The following ZNF804A variants were observed in gnomAD, a reference collection of about 807,000 sequenced individuals.
The protein encoded by ZNF804A is zinc finger protein 804A.
In ZNF804A, 2 loss-of-function variants were observed where a neutral mutation model predicts 16.5. The observed-to-expected ratio is 0.12, with a 90% CI of 0.05 to 0.38. The LOEUF (loss-of-function observed/expected upper bound fraction) is 0.38, where lower values mean the gene tolerates loss of function less well. Among genes scored for constraint, ZNF804A ranks in the 10% least tolerant of loss-of-function variants. ZNF804A has a pLI of 0.99. For missense variants in ZNF804A, 1,473 were observed against 1,390.7 expected (o/e 1.06, Z -0.94); for synonymous variants, 534 against 489.6 (o/e 1.09, Z -1.20).
chr2:184,652,695 A>G (rs938034680), intron 1 of ZNF804A, among the ~76,000 whole-genome samples: 1 of 151,892 alleles, frequency 6.6e-6, no homozygotes, highest in Non-Finnish European at 1.5e-5. Flanking sequence ...CTACCTTTTG[A>G]TCTCTTTCTA....
intron 1 of ZNF804A, among the ~76,000 whole-genome samples, chr2:184,684,512 G>C (rs188856872): frequency 6.6e-6 from 1 of 152,114 alleles, no homozygotes; most frequent in Admixed American, 6.5e-5. Flanking sequence ...AGTATTTTTC[G>C]AGAGAATATT....
chr2:184,647,613 A>G (rs1400699760), intron 1 of ZNF804A, among the ~76,000 whole-genome samples: 1 of 152,204 alleles, frequency 6.6e-6, no homozygotes, highest in Non-Finnish European at 1.5e-5. Flanking sequence ...AAGATTTATC[A>G]ACAGATTGGA....
At chr2:184,625,005 C>A (rs959570131) in intron 1 of ZNF804A, among the ~76,000 whole-genome samples, 4 of 152,088 alleles carry the variant, frequency 2.6e-5, no homozygotes, top group Non-Finnish European at 5.9e-5. Context: ...TGCTTCTGAT[C>A]ATTAAAATAA....
At chr2:184,612,519 A>G (rs1465757080) in intron 1 of ZNF804A, among the ~76,000 whole-genome samples, 3 of 151,526 alleles carry the variant, frequency 2.0e-5, no homozygotes, top group Non-Finnish European at 4.4e-5. Flanking sequence ...GCTCACTGCA[A>G]CCTCCGCCTC....
At chr2:184,675,198 T>TCA (rs1386261179) in intron 1 of ZNF804A, among the ~76,000 whole-genome samples, 2 of 151,824 alleles carry the variant, frequency 1.3e-5, no homozygotes, top group Admixed American at 6.6e-5. Context: ...AGACGTATGT[T>TCA]CACACACACA....
intron 1 of ZNF804A, among the ~76,000 whole-genome samples, chr2:184,662,423 A>C (rs144163147): frequency 1.3e-5 from 2 of 152,286 alleles, no homozygotes; most frequent in Non-Finnish European, 2.9e-5. Flanking sequence ...TGACTACCCA[A>C]ATTATCTAAA....
At chr2:184,886,781 C>A (rs1038979182) in intron 2 of ZNF804A, among the ~76,000 whole-genome samples, 1 of 152,204 alleles carries the variant, frequency 6.6e-6, no homozygotes, top group Non-Finnish European at 1.5e-5. Context: ...ACACAGGTCA[C>A]CAAGTCCCTA....
intron 1 of ZNF804A, among the ~76,000 whole-genome samples, chr2:184,772,203 T>A (rs545875881): frequency 1.6e-3 from 244 of 151,856 alleles, no homozygotes; most frequent in Non-Finnish European, 1.6e-3. Context: ...GTACTTTGCA[T>A]ATTTTTCAGA....
chr2:184,718,953 C>G (rs1206427986), intron 1 of ZNF804A, among the ~76,000 whole-genome samples: 1 of 152,126 alleles, frequency 6.6e-6, no homozygotes. Flanking sequence ...GGGGCTCTGA[C>G]CCCACATTAC....
At chr2:184,599,682 C>T (rs1444929269) in intron 1 of ZNF804A, among the ~76,000 whole-genome samples, 1 of 152,226 alleles carries the variant, frequency 6.6e-6, no homozygotes, top group Non-Finnish European at 1.5e-5. Flanking sequence ...GAAACACTAT[C>T]ACTATGTCAC....
At chr2:184,889,782 A>T (rs755672135) in intron 2 of ZNF804A, among the ~76,000 whole-genome samples, 18 of 152,026 alleles carry the variant, frequency 1.2e-4, no homozygotes, top group Non-Finnish European at 2.5e-4. Flanking sequence ...TGGTACCTAA[A>T]CATACACCAG....
chr2:184,751,427 T>C (rs914344491), intron 1 of ZNF804A, among the ~76,000 whole-genome samples: 1 of 151,414 alleles, frequency 6.6e-6, no homozygotes, highest in Non-Finnish European at 1.5e-5. Context: ...TGGATTGACA[T>C]AGGGTAAGAG....
intron 1 of ZNF804A, among the ~76,000 whole-genome samples, chr2:184,839,426 A>G (rs1406125672): frequency 6.6e-6 from 1 of 152,138 alleles, no homozygotes. Flanking sequence ...GATTTTTAAA[A>G]TAGTGTTATT....
chr2:184,920,738 T>C (rs1301319726), intron 2 of ZNF804A, among the ~76,000 whole-genome samples: 1 of 152,222 alleles, frequency 6.6e-6, no homozygotes, highest in East Asian at 1.9e-4. Flanking sequence ...GACAAGAAAC[T>C]GCTGGCAGCC....
chr2:184,868,972 T>C (rs1695928520), intron 2 of ZNF804A, among the ~76,000 whole-genome samples: 1 of 152,030 alleles, frequency 6.6e-6, no homozygotes, highest in Non-Finnish European at 1.5e-5. Flanking sequence ...GTTGAGTATA[T>C]CTAATCTGGA....
At chr2:184,730,004 TGACCAA>T (rs1438064200) in intron 1 of ZNF804A, among the ~76,000 whole-genome samples, 11 of 152,140 alleles carry the variant, frequency 7.2e-5, no homozygotes, top group African/African-American at 2.7e-4. Flanking sequence ...TCATAGTATA[TGACCAA>T]TAAATGGTAA....
intron 1 of ZNF804A, among the ~76,000 whole-genome samples, chr2:184,644,597 TATA>T (rs1401126355): frequency 6.6e-6 from 1 of 151,968 alleles, no homozygotes; most frequent in Non-Finnish European, 1.5e-5. Context: ...CATTAAATCT[TATA>T]CTAATGTTTA....
chr2:184,883,710 A>C (rs1684844272), intron 2 of ZNF804A, among the ~76,000 whole-genome samples: 1 of 152,100 alleles, frequency 6.6e-6, no homozygotes, highest in Non-Finnish European at 1.5e-5. Context: ...ACACATGATC[A>C]TCTCAATAGA....
rs1695429470 is a variant in ZNF804A at position 184,841,059 on chromosome 2, C to A, written c.112-25310C>A. 2.0e-5 allele frequency among the ~76,000 whole-genome samples: 3 copies of A among 152,126 alleles called. 1 individual carries two copies. In the South Asian group the frequency reaches 6.2e-4, roughly 32 times the overall value. On this transcript the variant is annotated intron_variant, in intron 1 of 3. Coordinates refer to ENST00000302277, the MANE Select transcript of ZNF804A (RefSeq NM_194250.2). ...TTTGCCTCATGATTTTCTCTCTGTA[C>A]GTGTTTTCCCTTTGAACTTTGTTAT...
Sources: gnomAD v4.1 joint callset for allele counts (sites outside exome capture counted in the v4.1 genomes callset) on GRCh38, gnomAD v4.1.1 for gene constraint, MANE v1.5 for transcripts, NCBI Gene and HGNC (gene_info 2026-07-23, HGNC 2026-07-21) for gene names.